The following SGTB variants were observed in gnomAD, a reference collection of about 807,000 sequenced individuals.
The protein encoded by SGTB is small glutamine rich tetratricopeptide repeat co-chaperone beta, also known as small glutamine-rich tetratricopeptide repeat-containing protein beta.
Under a neutral mutation model 43.9 loss-of-function variants are expected in SGTB, and 19 were observed. The observed-to-expected ratio is 0.43, with a 90% CI of 0.30 to 0.63. The LOEUF is 0.63. Ranked by LOEUF, SGTB falls within the 30% of genes least tolerant of loss-of-function variation. The pLI is 0.12. For synonymous variants in SGTB, 116 were observed against 117.3 expected, an observed-to-expected ratio of 0.99 and a Z score of 0.07; for missense variants, 304 against 358.9, an observed-to-expected ratio of 0.85 and a Z score of 1.24.
chr5:65,711,889 T>C (rs1488604757), intron 3 of SGTB, among the ~76,000 whole-genome samples: 1 of 152,154 alleles, frequency 6.6e-6, no homozygotes, highest in African/African-American at 2.4e-5. Context: ...TTCTTCATTA[T>C]ATACTAAAGC....
In SGTB at chr5:65,680,671, T is replaced by A. The variant is rs112383406; in HGVS notation, c.603A>T (p.Arg201Ser). 6.2e-7 allele frequency: 1 copy of A among 1,614,084 alleles called. No homozygotes were observed. The highest frequency in any genetic ancestry group is 1.7e-5 in the Admixed American group (1 of 60,020). ...AACAACTTACAGGACTGGATACCTC[T>A]CTTAACTTCTGTTCTGCTATTTTCA... is the stretch of plus-strand genomic sequence containing the variant. ...SNLKIAEQKL[R>S]EVSSPTGTGL... Residue 201 changes from arginine to serine, a missense_variant, in exon 7 of 11, where the codon AGA becomes AGT. Physicochemically the swap from Arg to Ser is moderately radical, Grantham distance 110. Coordinates refer to ENST00000381007, the MANE Select transcript of SGTB (RefSeq NM_019072.3).
intron 4 of SGTB, among the ~76,000 whole-genome samples, chr5:65,707,072 C>T (rs577828298): frequency 9.3e-5 from 14 of 150,860 alleles, no homozygotes; most frequent in African/African-American, 2.7e-4. Context: ...ACCAGCCTGG[C>T]CAACATGGTG....
At chr5:65,716,513 A>G (rs1212831813) in intron 2 of SGTB, among the ~76,000 whole-genome samples, 1 of 152,226 alleles carries the variant, frequency 6.6e-6, no homozygotes, top group Non-Finnish European at 1.5e-5. Context: ...TGTCAAATCT[A>G]GACATATTTT....
At chr5:65,673,359 TG>T (rs935470390) in intron 8 of SGTB, among the ~76,000 whole-genome samples, 1 of 152,214 alleles carries the variant, frequency 6.6e-6, no homozygotes, top group African/African-American at 2.4e-5. Context: ...CCCCAACCCC[TG>T]GGCCACAGAC....
At chr5:65,683,519 C>T (rs1468698459) in intron 6 of SGTB, among the ~76,000 whole-genome samples, 2 of 152,086 alleles carry the variant, frequency 1.3e-5, no homozygotes, top group South Asian at 2.1e-4. Flanking sequence ...GAAACAGCAG[C>T]AGCAGAGGAT....
intron 2 of SGTB, among the ~76,000 whole-genome samples, chr5:65,715,196 C>G (rs560525223): frequency 6.6e-6 from 1 of 152,260 alleles, no homozygotes; most frequent in Non-Finnish European, 1.5e-5. Context: ...TACATTTGAT[C>G]TTCCTTTTAG....
intron 8 of SGTB, 110 bp downstream of exon 8, chr5:65,680,384 C>G (rs1392245011): frequency 1.9e-6 from 2 of 1,060,766 alleles, no homozygotes; most frequent in African/African-American, 1.6e-5. Flanking sequence ...TATATCAATA[C>G]TCCACTACAA....
In SGTB at chr5:65,680,475, G is replaced by A. The variant is rs1757372874; in HGVS notation, c.681+19C>T. ...ATGGAAAACATAGCCAGTAGAGGCA[G>A]AAAAGAAAGTATACTCACCATACTA... On this transcript the variant is annotated intron_variant, in intron 8 of 10. Coordinates refer to ENST00000381007, the MANE Select transcript of SGTB (RefSeq NM_019072.3). The A allele has an allele frequency of 1.2e-6, 2 of 1,605,954 alleles. No homozygotes were observed. The highest frequency in any genetic ancestry group is 1.5e-5 in the African/African-American group (1 of 68,406).
intron 8 of SGTB, among the ~76,000 whole-genome samples, chr5:65,673,661 A>ATTT (rs71305036): frequency 0.28 from 41,548 of 146,776 alleles, 6,046 homozygotes; most frequent in Middle Eastern, 0.33. Flanking sequence ...CTATAGGGCT[A>ATTT]TTTTTTTTTT....
intron 2 of SGTB, among the ~76,000 whole-genome samples, chr5:65,720,026 T>A (rs528782340): frequency 1.3e-5 from 2 of 152,286 alleles, no homozygotes; most frequent in South Asian, 4.1e-4. Flanking sequence ...AATCTCAGCT[T>A]TATCACATAT....
chr5:65,680,471 G>C, intron 8 of SGTB, 23 bp downstream of exon 8: 1 of 1,604,126 alleles, frequency 6.2e-7, no homozygotes, highest in East Asian at 2.2e-5. Flanking sequence ...AGCCAGTAGA[G>C]GCAGAAAAGA....
intron 6 of SGTB, among the ~76,000 whole-genome samples, chr5:65,684,198 C>T (rs143517493): frequency 0.013 from 1,990 of 151,936 alleles, 47 homozygotes; most frequent in African/African-American, 0.045. Context: ...AATCTTCTCA[C>T]CTCAGCCTCC....
At chr5:65,693,518 C>T (rs1334159898) in intron 5 of SGTB, among the ~76,000 whole-genome samples, 1 of 152,104 alleles carries the variant, frequency 6.6e-6, no homozygotes, top group Admixed American at 6.5e-5. Context: ...AGATGTTCAT[C>T]ATACTATTCT....
rs144144126 is a variant in SGTB at position 65,689,502 on chromosome 5, T to C, written c.375-4030A>G. 3.4e-3 allele frequency among the ~76,000 whole-genome samples: 524 copies of C among 152,318 alleles called. 4 individuals carry two copies. The highest frequency in any genetic ancestry group is 0.012 in the African/African-American group (480 of 41,568). Reference sequence around the variant, plus strand: ...TAATTATAAACCAATATAATTGTAATTTATAATTATAAACCAATTATATTG... The same window carrying C: ...TAATTATAAACCAATATAATTGTAACTTATAATTATAAACCAATTATATTG... On this transcript the variant is annotated intron_variant, in intron 5 of 10. Coordinates refer to ENST00000381007, the MANE Select transcript of SGTB (RefSeq NM_019072.3).
At chr5:65,717,163 TGA>T (rs1239030491) in intron 2 of SGTB, among the ~76,000 whole-genome samples, 1 of 152,114 alleles carries the variant, frequency 6.6e-6, no homozygotes, top group African/African-American at 2.4e-5. Flanking sequence ...ATGTCCTTGA[TGA>T]GAGTGGTATA....
chr5:65,674,983 A>G (rs1757238245), intron 8 of SGTB, among the ~76,000 whole-genome samples: 1 of 152,240 alleles, frequency 6.6e-6, no homozygotes, highest in Non-Finnish European at 1.5e-5. Flanking sequence ...AGAAGATTTA[A>G]TGGATGCAAG....
chr5:65,713,214 T>C (rs1758076201), intron 2 of SGTB, 150 bp from the exon 3 acceptor site: 1 of 583,992 alleles, frequency 1.7e-6, no homozygotes, highest in Non-Finnish European at 2.9e-6. Flanking sequence ...AAGAAATTTC[T>C]GTTTATAGAC....
chr5:65,705,589 A>G (rs997002773), intron 4 of SGTB, among the ~76,000 whole-genome samples: 1 of 152,234 alleles, frequency 6.6e-6, no homozygotes, highest in Non-Finnish European at 1.5e-5. Context: ...TTCTTAATAG[A>G]TCATTAGCTG....
chr5:65,714,991 TAG>T (rs1446702155), intron 2 of SGTB, among the ~76,000 whole-genome samples: 1 of 152,126 alleles, frequency 6.6e-6, no homozygotes, highest in Non-Finnish European at 1.5e-5. Context: ...GAGAATGAAT[TAG>T]AGAGAAAAGT....
Sources: allele counts gnomAD v4.1 joint callset (sites outside exome capture counted in the v4.1 genomes callset), GRCh38; gene constraint gnomAD v4.1.1; transcripts MANE v1.5; gene names NCBI Gene and HGNC (gene_info 2026-07-23, HGNC 2026-07-21).